Variants in CLCC1 observed in about 807,000 individuals in gnomAD.
The protein encoded by CLCC1 is chloride channel CLIC-like protein 1.
CLCC1 carries 39 observed loss-of-function variants against 63.3 expected under a neutral mutation model. The observed-to-expected ratio is 0.62, with a 90% CI of 0.48 to 0.81. The LOEUF (loss-of-function observed/expected upper bound fraction) is 0.81. CLCC1 is among the 30% of genes least tolerant of loss of function. CLCC1 has a pLI of 0.00. For synonymous variants in CLCC1, 217 were observed against 239.8 expected, an observed-to-expected ratio of 0.90 and a Z score of 0.88; for missense variants, 549 against 669.4, an observed-to-expected ratio of 0.82 and a Z score of 1.98.
chr1:108,945,332 T>TA (rs1179442930), intron 5 of CLCC1, among the ~76,000 whole-genome samples: 18 of 151,654 alleles, frequency 1.2e-4, no homozygotes, highest in Non-Finnish European at 1.0e-4. Context: ...AAAATAAAAA[T>TA]AAAAAAAATC....
At chr1:108,940,738 A>G (rs999159556) in intron 8 of CLCC1, among the ~76,000 whole-genome samples, 13 of 152,376 alleles carry the variant, frequency 8.5e-5, no homozygotes, top group African/African-American at 3.1e-4. Flanking sequence ...TAGAGGAGGC[A>G]TTTCACTGTC....
chr1:108,945,376 T>G (rs1046183444), intron 5 of CLCC1, among the ~76,000 whole-genome samples: 9 of 151,998 alleles, frequency 5.9e-5, no homozygotes, highest in African/African-American at 1.9e-4. Context: ...CGAAAAAATA[T>G]ACCACTAAAT....
rs188402281 is a variant in CLCC1 at position 108,934,543 on chromosome 1, A to C, written c.*45+82T>G. On this transcript the variant is annotated intron_variant, in intron 12 of 12. Transcript: ENST00000369969. ...AGTAAAAATGTGAATGTTGAAGTTG[A>C]AATGTGAATGTTGAAGTTGGCACCT... is the stretch of plus-strand genomic sequence containing the variant. 2.7e-5 allele frequency: 29 copies of C among 1,079,262 alleles called. No individual in the cohort carries two copies. In the East Asian group the frequency reaches 6.6e-4, roughly 24 times the overall value. The allele number at this position is 1,079,262 out of a possible 1,614,324, so 66.9% of individuals were successfully genotyped here.
chr1:108,940,983 TA>T (rs1275610235), intron 8 of CLCC1, among the ~76,000 whole-genome samples: 3 of 151,850 alleles, frequency 2.0e-5, no homozygotes, highest in Admixed American at 6.6e-5. Context: ...TTCCCGTAGT[TA>T]AAAAAAAGTA....
rs769350465 is a variant in CLCC1, at chr1:108,950,427, G to C, written c.11C>G (p.Ser4Cys). The C allele has an allele frequency of 1.9e-6, 3 of 1,607,008 alleles. No individual in the cohort carries two copies. In the African/African-American group the frequency reaches 4.0e-5, roughly 22 times the overall value. Residue 4 changes from serine (S) to cysteine (C), a missense_variant, in exon 3 of 13, where the codon TCT becomes TGT. By Grantham distance (112) the Ser-to-Cys change is moderately radical. Transcript: ENST00000369969. ...CAACAGACATTCACAAAGGAGCAAA[G>C]AACACAGCATCCTGTATAAGGCTAA... is the stretch of plus-strand genomic sequence containing the variant. MLC[S>C]LLLCECLLLV...
chr1:108,943,131 A>C (rs926570215), intron 7 of CLCC1, among the ~76,000 whole-genome samples: 1 of 151,800 alleles, frequency 6.6e-6, no homozygotes, highest in African/African-American at 2.4e-5. Context: ...GCTAGTCTTG[A>C]CCTCCTGACC....
chr1:108,950,270 G>C, intron 3 of CLCC1, 39 bp downstream of exon 3: 1 of 1,584,588 alleles, frequency 6.3e-7, no homozygotes, highest in South Asian at 1.1e-5. Flanking sequence ...TCATGGGACT[G>C]ATAAGGTCTC....
In CLCC1 at chr1:108,963,479, T is replaced by C. The variant is rs912527507; in HGVS notation, c.-291A>G. ...GTGCTTCCTGGGCCTCGTCATCGAA[T>C]TGTTCGGCTGACGGCTGCGTGTCCC... On this transcript the variant is annotated 5_prime_UTR_variant, in exon 1 of 13. Transcript: ENST00000369969. The C allele has an allele frequency of 1.0e-4, 72 of 701,836 alleles. No individual in the cohort carries two copies. The highest frequency in any genetic ancestry group is 1.6e-4 in the Non-Finnish European group (61 of 384,378). 43.5% of individuals were successfully genotyped at this position (701,836 alleles called of 1,614,324 possible).
In CLCC1 at chr1:108,930,628, C is replaced by A. The variant is rs1230515348; in HGVS notation, c.*1919G>T. 1.3e-5 allele frequency: 2 copies of A among 152,468 alleles called. No homozygotes were observed. The highest frequency in any genetic ancestry group is 2.4e-5 in the African/African-American group (1 of 41,376). 9.4% of individuals were successfully genotyped at this position (152,468 alleles called of 1,614,324 possible). A position where few individuals can be genotyped will look rare whatever the true frequency, so the allele number is the denominator to read the frequency against. On this transcript the variant is annotated 3_prime_UTR_variant, in exon 13 of 13. Coordinates refer to ENST00000369969, the MANE Select transcript of CLCC1 (RefSeq NM_001377458.1). ...CAGCAGCCAGGCGCAGTGGCTCACACCTGTAATCCCAGCACTTTGGGAGGC... is the reference window on the plus strand; with the variant it reads ...CAGCAGCCAGGCGCAGTGGCTCACAACTGTAATCCCAGCACTTTGGGAGGC...
chr1:108,944,627 G>A (rs928920067), intron 5 of CLCC1, among the ~76,000 whole-genome samples: 3 of 151,724 alleles, frequency 2.0e-5, no homozygotes, highest in Middle Eastern at 3.2e-3. Context: ...ATTCGCAGTA[G>A]TTATCGTCTT....
rs1200114106 is a variant in CLCC1 at position 108,934,574 on chromosome 1, GTA to G, written c.*45+49_*45+50del. ...GAATGTTGAAGTTGGCACCTTTGTA[GTA>G]ATCAGAATTCTTGCAGAGAAGAGAA... On this transcript the variant is annotated intron_variant, in intron 12 of 12. Coordinates refer to ENST00000369969, the MANE Select transcript of CLCC1 (RefSeq NM_001377458.1). The G allele has an allele frequency of 5.9e-5, 84 of 1,419,230 alleles. No individual in the cohort carries two copies. In the East Asian group the frequency reaches 1.9e-3, roughly 32 times the overall value. The allele number at this position is 1,419,230 out of a possible 1,614,324, so 87.9% of individuals were successfully genotyped here. A position where few individuals can be genotyped will look rare whatever the true frequency, so the allele number is the denominator to read the frequency against.
rs749125967 is a variant in CLCC1 at position 108,943,818 on chromosome 1, G to C, written c.561+18C>G. 1.3e-6 allele frequency: 2 copies of C among 1,574,370 alleles called. No homozygotes were observed. Among genetic ancestry groups the C allele is most frequent in the South Asian group, 2.3e-5 (2 of 88,622 alleles). Reference sequence around the variant, plus strand: ...AAGGAAACTTAATGACGTTGCCCTTGCCCTCATCCCATCTTACCATTAACA... The same window carrying C: ...AAGGAAACTTAATGACGTTGCCCTTCCCCTCATCCCATCTTACCATTAACA... On this transcript the variant is annotated intron_variant, in intron 6 of 12. Coordinates refer to ENST00000369969, the MANE Select transcript of CLCC1 (RefSeq NM_001377458.1).
rs757413005 is a variant in CLCC1, at chr1:108,934,809, G to C, written c.1517C>G (p.Thr506Arg). 23 of 1,614,184 alleles carry C rather than the reference G, an allele frequency of 1.4e-5. No homozygotes were observed. The highest frequency in any genetic ancestry group is 1.9e-5 in the Non-Finnish European group (22 of 1,180,042). ...CTTTTCCGCTGCGGGTGAACCTTCT[G>C]TATTCCCTGATGTGTCTTGGCCAGA... Reference protein sequence around the residue: ...PVSGQDTSGNTEGSPAAEKAQ... With the variant: ...PVSGQDTSGNREGSPAAEKAQ... The change falls in exon 12 of 13, where the codon ACA becomes AGA. Residue 506 changes from threonine (T) to arginine (R), a missense_variant. By Grantham distance (71) the Thr-to-Arg change is moderately conservative. Coordinates refer to ENST00000369969, the MANE Select transcript of CLCC1 (RefSeq NM_001377458.1).
chr1:108,950,573 G>A, intron 2 of CLCC1, 125 bp from the exon 3 acceptor site: 1 of 441,412 alleles, frequency 2.3e-6, no homozygotes, highest in Non-Finnish European at 3.5e-6. Context: ...CCAGGCTGGA[G>A]TACAGTGATA....
At chr1:108,944,161 C>T in intron 5 of CLCC1, 104 bp from the exon 6 acceptor site, 1 of 806,838 alleles carries the variant, frequency 1.2e-6, no homozygotes, top group Non-Finnish European at 1.9e-6. Flanking sequence ...TATTAGTTTG[C>T]AGTATTTCAT....
chr1:108,939,821 G>T (rs537374115), intron 9 of CLCC1, 39 bp from the exon 10 acceptor site: 1 of 1,600,620 alleles, frequency 6.2e-7, no homozygotes, highest in East Asian at 2.2e-5. Context: ...TCTCCTCACA[G>T]GACTAAGGTA....
chr1:108,956,196 A>T (rs369814334), intron 2 of CLCC1, among the ~76,000 whole-genome samples: 2 of 151,468 alleles, frequency 1.3e-5, no homozygotes, highest in Admixed American at 1.3e-4. Flanking sequence ...CCTGCAGCCA[A>T]TATCAATGGC....
At position 108,931,622 on chromosome 1, in the gene CLCC1, C is replaced by T; in HGVS notation, c.*925G>A. The T allele has an allele frequency of 1.8e-6, 2 of 1,134,614 alleles. No homozygotes were observed. The highest frequency in any genetic ancestry group is 1.1e-6 in the Non-Finnish European group (1 of 872,468). The allele number at this position is 1,134,614 out of a possible 1,614,324, so 70.3% of individuals were successfully genotyped here. ...AACCTGGAATTAATTACATTAAGTG[C>T]TCAGCTAAAAAAAAAAAAAAAGTTC... On this transcript the variant is annotated 3_prime_UTR_variant, in exon 13 of 13. Coordinates refer to ENST00000369969, the MANE Select transcript of CLCC1 (RefSeq NM_001377458.1).
intron 2 of CLCC1, among the ~76,000 whole-genome samples, chr1:108,954,254 G>A (rs1475675884): frequency 3.3e-5 from 5 of 151,054 alleles, no homozygotes; most frequent in Non-Finnish European, 7.4e-5. Context: ...TTGGGAGGCC[G>A]AGGCAGGCAG....
Sources: allele counts gnomAD v4.1 joint callset (sites outside exome capture counted in the v4.1 genomes callset), GRCh38; gene constraint gnomAD v4.1.1; transcripts MANE v1.5; gene names NCBI Gene and HGNC (gene_info 2026-07-23, HGNC 2026-07-21).